Variants in STAC observed in about 807,000 individuals in gnomAD.
STAC encodes the protein SH3 and cysteine-rich domain-containing protein.
In STAC, 43 loss-of-function variants were observed where a neutral mutation model predicts 48.8. The observed-to-expected ratio is 0.88, with a 90% CI of 0.69 to 1.14. STAC has a LOEUF of 1.14. STAC is among the 50% of genes most tolerant of loss of function. STAC has a pLI of 0.00. For missense variants in STAC, 497 were observed against 504.0 expected, an observed-to-expected ratio of 0.99 and a Z score of 0.13; for synonymous variants, 193 against 179.5, an observed-to-expected ratio of 1.07 and a Z score of -0.60.
chr3:36,504,732 T>C (rs886585744), intron 7 of STAC, among the ~76,000 whole-genome samples: 7 of 152,244 alleles, frequency 4.6e-5, no homozygotes, highest in Non-Finnish European at 1.0e-4. Context: ...CTGTATTTTA[T>C]AGCATATATG....
intron 2 of STAC, among the ~76,000 whole-genome samples, chr3:36,452,784 G>T (rs994436352): frequency 6.6e-6 from 1 of 152,184 alleles, no homozygotes; most frequent in African/African-American, 2.4e-5. Context: ...TGAGAGACTG[G>T]GAAGTAGCAA....
At chr3:36,455,649 C>A (rs1196302075) in intron 2 of STAC, among the ~76,000 whole-genome samples, 2 of 152,146 alleles carry the variant, frequency 1.3e-5, no homozygotes, top group African/African-American at 4.8e-5. Context: ...TAGAATGGTC[C>A]TCTTTGTTGT....
At chr3:36,432,908 C>A (rs1005404858) in intron 1 of STAC, among the ~76,000 whole-genome samples, 1 of 152,036 alleles carries the variant, frequency 6.6e-6, no homozygotes, top group African/African-American at 2.4e-5. Flanking sequence ...AAAGATAACC[C>A]GTGTAAAGTC....
intron 1 of STAC, among the ~76,000 whole-genome samples, chr3:36,420,255 TAGAA>T (rs1700417758): frequency 6.6e-6 from 1 of 152,206 alleles, no homozygotes; most frequent in Admixed American, 6.5e-5. Flanking sequence ...ATCTGGCACA[TAGAA>T]AGACTCAAAT....
chr3:36,466,535 A>G (rs996881807), intron 2 of STAC, among the ~76,000 whole-genome samples: 6 of 152,184 alleles, frequency 3.9e-5, no homozygotes, highest in Non-Finnish European at 4.4e-5. Context: ...ATTCATGAAC[A>G]TGAGATGTGT....
At chr3:36,398,368 A>AAAGAAAAGAAAGAGAG (rs1553631494) in intron 1 of STAC, among the ~76,000 whole-genome samples, 67 of 102,966 alleles carry the variant, frequency 6.5e-4, no homozygotes, top group African/African-American at 2.3e-3. Context: ...AGAAAGAAAG[A>AAAGAAAAGAAAGAGAG]AAAGAAAGAG....
intron 1 of STAC, among the ~76,000 whole-genome samples, chr3:36,421,880 C>T (rs1003036189): frequency 4.6e-5 from 7 of 151,986 alleles, no homozygotes; most frequent in African/African-American, 1.7e-4. Flanking sequence ...TCTTCAAGAC[C>T]CCTACTTTTC....
At chr3:36,425,209 A>C (rs1470354654) in intron 1 of STAC, among the ~76,000 whole-genome samples, 1 of 152,206 alleles carries the variant, frequency 6.6e-6, no homozygotes, top group Non-Finnish European at 1.5e-5. Flanking sequence ...CCAGTGACAA[A>C]AGTTAATCAC....
At chr3:36,456,080 C>T (rs2125679814) in intron 2 of STAC, among the ~76,000 whole-genome samples, 1 of 151,676 alleles carries the variant, frequency 6.6e-6, no homozygotes, top group South Asian at 2.1e-4. Flanking sequence ...CACACACACA[C>T]ACACTCCTGC....
chr3:36,465,867 C>G (rs1160000283), intron 2 of STAC, among the ~76,000 whole-genome samples: 2 of 152,064 alleles, frequency 1.3e-5, no homozygotes, highest in East Asian at 1.9e-4. Context: ...ATTGTGCCCA[C>G]CAGATTAAGG....
chr3:36,429,812 C>T (rs1367732041), intron 1 of STAC, among the ~76,000 whole-genome samples: 1 of 152,098 alleles, frequency 6.6e-6, no homozygotes, highest in Non-Finnish European at 1.5e-5. Context: ...CACGTACCCA[C>T]ATGGTTTCTT....
At chr3:36,509,725 A>T (rs1698489513) in intron 8 of STAC, among the ~76,000 whole-genome samples, 1 of 151,956 alleles carries the variant, frequency 6.6e-6, no homozygotes, top group Non-Finnish European at 1.5e-5. Flanking sequence ...TTCTCTATTT[A>T]ATAAACTGTG....
At chr3:36,529,114 C>T in intron 10 of STAC, 129 bp downstream of exon 10, 11 of 995,086 alleles carry the variant, frequency 1.1e-5, no homozygotes, top group Non-Finnish European at 1.5e-5. Flanking sequence ...AAAAGATATA[C>T]TTACTCCAAT....
At chr3:36,410,930 A>G (rs1346822108) in intron 1 of STAC, among the ~76,000 whole-genome samples, 2 of 152,166 alleles carry the variant, frequency 1.3e-5, no homozygotes, top group Non-Finnish European at 2.9e-5. Flanking sequence ...AACTCTCTTT[A>G]TACCAGATCT....
At chr3:36,533,909 C>A (rs796694268) in intron 10 of STAC, among the ~76,000 whole-genome samples, 3 of 152,132 alleles carry the variant, frequency 2.0e-5, no homozygotes, top group African/African-American at 7.2e-5. Flanking sequence ...CTTATATAGG[C>A]AAATTGCATG....
chr3:36,397,681 T>C (rs1349477077), intron 1 of STAC, among the ~76,000 whole-genome samples: 1 of 152,192 alleles, frequency 6.6e-6, no homozygotes, highest in Non-Finnish European at 1.5e-5. Flanking sequence ...GCCTCCAAAT[T>C]GTGCAGATAT....
chr3:36,409,914 G>T, intron 1 of STAC, among the ~76,000 whole-genome samples: 1 of 152,116 alleles, frequency 6.6e-6, no homozygotes, highest in East Asian at 1.9e-4. Context: ...GCTTGGAATA[G>T]GTTAGCAGTA....
Position 36,434,984 on chromosome 3 carries a change from A to T in STAC, c.112-8380A>T, listed in dbSNP as rs191505945. Among the ~76,000 whole-genome samples the T allele has an allele frequency of 4.6e-5, 7 of 152,336 alleles. No homozygotes were observed. In the East Asian group the frequency reaches 9.6e-4, roughly 21 times the overall value. ...ACATCAAGGGTGGGATACCTTATGA[A>T]AGTCCATTTGGCTTTAAGAGCTTTG... On this transcript the variant is annotated intron_variant, in intron 1 of 10. Transcript: ENST00000273183.
intron 8 of STAC, among the ~76,000 whole-genome samples, chr3:36,527,215 G>T (rs144874477): frequency 6.6e-6 from 1 of 152,216 alleles, no homozygotes; most frequent in Non-Finnish European, 1.5e-5. Flanking sequence ...GAAGTAATAA[G>T]ATAAAGGATA....
Sources: allele counts gnomAD v4.1 joint callset (sites outside exome capture counted in the v4.1 genomes callset), GRCh38; gene constraint gnomAD v4.1.1; transcripts MANE v1.5; gene names NCBI Gene and HGNC (gene_info 2026-07-23, HGNC 2026-07-21).